The following FBXO11 variants were observed in gnomAD, a reference collection of about 807,000 sequenced individuals.
FBXO11 encodes F-box protein 11, also known as F-box only protein 11.
FBXO11 carries 13 observed loss-of-function variants against 117.0 expected under a neutral mutation model. That is an observed-to-expected ratio of 0.11 (90% CI 0.07 to 0.18). FBXO11 has a LOEUF of 0.18. Among genes scored for constraint, FBXO11 ranks in the 10% least tolerant of loss-of-function variants. The pLI, the probability that FBXO11 is intolerant of heterozygous loss-of-function variation, is 1.00. For missense variants in FBXO11, 767 were observed against 1,164.4 expected, an observed-to-expected ratio of 0.66 and a Z score of 4.97; for synonymous variants, 490 against 380.5, an observed-to-expected ratio of 1.29 and a Z score of -3.35.
intron 1 of FBXO11, among the ~76,000 whole-genome samples, chr2:47,840,530 A>G (rs866224323): frequency 4.8e-5 from 7 of 145,940 alleles, no homozygotes; most frequent in Middle Eastern, 7.0e-3. Context: ...AGCTCACTGC[A>G]GCCTCAACCT....
chr2:47,882,388 GTT>G (rs1676495775), intron 1 of FBXO11, among the ~76,000 whole-genome samples: 1 of 152,138 alleles, frequency 6.6e-6, no homozygotes. Flanking sequence ...TTTCTGGTCA[GTT>G]TTCCCTGCCA....
At chr2:47,821,774 G>GA (rs1175893536) in intron 13 of FBXO11, among the ~76,000 whole-genome samples, 1 of 152,042 alleles carries the variant, frequency 6.6e-6, no homozygotes, top group Non-Finnish European at 1.5e-5. Flanking sequence ...AACAGAGTGA[G>GA]ACTCTGTCTC....
intron 1 of FBXO11, among the ~76,000 whole-genome samples, chr2:47,841,637 A>AATTATT (rs959098339): frequency 2.6e-5 from 4 of 151,872 alleles, no homozygotes; most frequent in Non-Finnish European, 4.4e-5. Flanking sequence ...TTGGTATTCA[A>AATTATT]ATTATTATTA....
intron 7 of FBXO11, among the ~76,000 whole-genome samples, chr2:47,833,797 T>C (rs991027849): frequency 1.3e-5 from 2 of 151,874 alleles, no homozygotes; most frequent in Non-Finnish European, 2.9e-5. Context: ...CCAGAGTCGC[T>C]GGGATTACAG....
chr2:47,898,779 G>A (rs1677868581), intron 1 of FBXO11, among the ~76,000 whole-genome samples: 1 of 152,052 alleles, frequency 6.6e-6, no homozygotes, highest in Admixed American at 6.6e-5. Flanking sequence ...TGCTTCAAGG[G>A]GCAGGTTATT....
chr2:47,874,823 C>A (rs1045458740), intron 1 of FBXO11, among the ~76,000 whole-genome samples: 4 of 151,676 alleles, frequency 2.6e-5, no homozygotes, highest in African/African-American at 9.7e-5. Flanking sequence ...GCATGTGCCA[C>A]CATGCCTGGC....
chr2:47,851,989 ATTTTTTT>A lies in FBXO11; in HGVS notation c.233-12227_233-12221del, dbSNP rs1191001581. ...TAGTAGTCTCTGTATCAAGCAACCA[ATTTTTTT>A]TTTTTTTTTTTTTGAGGCTGAGTCT... is the stretch of plus-strand genomic sequence containing the variant. On this transcript the variant is annotated intron_variant, in intron 1 of 22. Coordinates refer to ENST00000403359, the MANE Select transcript of FBXO11 (RefSeq NM_001190274.2). 2.3e-5 allele frequency among the ~76,000 whole-genome samples: 3 copies of A among 132,850 alleles called. No individual in the cohort carries two copies. The East Asian group carries it at 6.3e-4, about 28-fold the overall frequency. The allele number at this position is 132,850 out of a possible 152,430, so 87.2% of individuals were successfully genotyped here.
chr2:47,904,166 A>G (rs181113070), intron 1 of FBXO11, among the ~76,000 whole-genome samples: 59 of 152,244 alleles, frequency 3.9e-4, no homozygotes, highest in Non-Finnish European at 6.8e-4. Flanking sequence ...TAATTTTAAA[A>G]AACATTTAAT....
intron 4 of FBXO11, among the ~76,000 whole-genome samples, 189 bp from the exon 5 acceptor site, chr2:47,836,190 C>CA (rs1672549019): frequency 6.6e-6 from 1 of 151,946 alleles, no homozygotes; most frequent in South Asian, 2.1e-4. Flanking sequence ...GGCTAGAATG[C>CA]AAGTGGCATG....
At chr2:47,860,141 T>G (rs1674641208) in intron 1 of FBXO11, among the ~76,000 whole-genome samples, 1 of 152,222 alleles carries the variant, frequency 6.6e-6, no homozygotes, top group African/African-American at 2.4e-5. Flanking sequence ...GTTTTAGAAC[T>G]ATGCTATGCT....
At chr2:47,899,166 CA>C (rs1311507134) in intron 1 of FBXO11, among the ~76,000 whole-genome samples, 1 of 150,146 alleles carries the variant, frequency 6.7e-6, no homozygotes, top group African/African-American at 2.5e-5. Flanking sequence ...CCCAGCTACT[CA>C]GGAGGCTGAG....
At chr2:47,862,777 G>A (rs752938546) in intron 1 of FBXO11, among the ~76,000 whole-genome samples, 2 of 152,004 alleles carry the variant, frequency 1.3e-5, no homozygotes, top group East Asian at 3.9e-4. Flanking sequence ...GTTTTCAGCC[G>A]GGCGTGGTGG....
intron 1 of FBXO11, among the ~76,000 whole-genome samples, chr2:47,884,734 A>C (rs985241963): frequency 1.3e-5 from 2 of 152,152 alleles, no homozygotes; most frequent in Admixed American, 6.5e-5. Flanking sequence ...AAGCTTTTAC[A>C]TGGGAGATGA....
Position 47,904,581 on chromosome 2 carries a change from A to AACACACACACACAC in FBXO11, c.232+894_232+907dup, listed in dbSNP as rs112758707. ...CAACACACACACGCGCGCGCGCGCA[A>AACACACACACACAC]ACACACACACACACACACACACACA... On this transcript the variant is annotated intron_variant, in intron 1 of 22. Transcript: ENST00000403359. Among the ~76,000 whole-genome samples the AACACACACACACAC allele has an allele frequency of 1.2e-4, 18 of 147,688 alleles. No individual in the cohort carries two copies. In the South Asian group the frequency reaches 3.1e-3, roughly 25 times the overall value.
intron 1 of FBXO11, among the ~76,000 whole-genome samples, chr2:47,856,282 T>A (rs1391300184): frequency 6.6e-6 from 1 of 151,966 alleles, no homozygotes; most frequent in Non-Finnish European, 1.5e-5. Flanking sequence ...ACTTATAAAG[T>A]TAATCTTCTC....
At chr2:47,817,313 G>C (rs941636620) in intron 16 of FBXO11, among the ~76,000 whole-genome samples, 1 of 152,138 alleles carries the variant, frequency 6.6e-6, no homozygotes, top group African/African-American at 2.4e-5. Context: ...TTGGCTTAAG[G>C]GAATGTTGCG....
At chr2:47,880,206 A>G (rs956683566) in intron 1 of FBXO11, among the ~76,000 whole-genome samples, 1 of 152,148 alleles carries the variant, frequency 6.6e-6, no homozygotes, top group Non-Finnish European at 1.5e-5. Context: ...TCATGCTGCC[A>G]GGCTGGTCTC....
At position 47,903,242 on chromosome 2, in the gene FBXO11, G is replaced by C. The variant is rs1345290029; in HGVS notation, c.232+2247C>G. Among the ~76,000 whole-genome samples the C allele has an allele frequency of 4.6e-5, 7 of 152,070 alleles. 1 individual carries two copies. The highest frequency in any genetic ancestry group is 4.6e-4 in the Admixed American group (7 of 15,276). ...ATCTTAATGTTTTATTCATTTTAAGGCCATTTATGTGCCCTCTTTAAGACT... is the reference window on the plus strand; with the variant it reads ...ATCTTAATGTTTTATTCATTTTAAGCCCATTTATGTGCCCTCTTTAAGACT... On this transcript the variant is annotated intron_variant, in intron 1 of 22. Coordinates refer to ENST00000403359, the MANE Select transcript of FBXO11 (RefSeq NM_001190274.2).
rs145850070 is a variant in FBXO11 at position 47,810,559 on chromosome 2, A to C, written c.2228-133T>G. On this transcript the variant is annotated intron_variant, in intron 18 of 22. Coordinates refer to ENST00000403359, the MANE Select transcript of FBXO11 (RefSeq NM_001190274.2). The stretch of plus-strand genomic sequence containing the variant: ...AATTCACAGGACTATTTTTTCAGCC[A>C]AAACAAGTTTATTAGCAATTCAGAG... The C allele has an allele frequency of 2.1e-4, 116 of 558,926 alleles. 1 individual carries two copies. Among genetic ancestry groups the C allele is most frequent in the African/African-American group, 1.9e-3 (97 of 51,470 alleles). 34.6% of individuals were successfully genotyped at this position (558,926 alleles called of 1,614,324 possible).
Sources: gnomAD v4.1 joint callset for allele counts (sites outside exome capture counted in the v4.1 genomes callset) on GRCh38, gnomAD v4.1.1 for gene constraint, MANE v1.5 for transcripts, NCBI Gene and HGNC (gene_info 2026-07-23, HGNC 2026-07-21) for gene names.